Variants in DNAH6 observed in about 807,000 individuals in gnomAD.
The protein encoded by DNAH6 is dynein axonemal heavy chain 6.
Under a neutral mutation model 491.4 loss-of-function variants are expected in DNAH6, and 340 were observed. The ratio of observed to expected loss-of-function variants is 0.69; its 90% CI spans 0.63 to 0.76. The LOEUF (loss-of-function observed/expected upper bound fraction) is 0.76, where lower values mean the gene tolerates loss of function less well. Among genes scored for constraint, DNAH6 ranks in the 30% least tolerant of loss-of-function variants. The probability of loss-of-function intolerance (pLI) is 0.00; values close to 1 mark genes in which losing one functional copy is unlikely to be tolerated. For synonymous variants in DNAH6, 1,603 were observed against 1,686.1 expected (o/e 0.95, Z 1.21); for missense variants, 4,443 against 4,972.2 (o/e 0.89, Z 3.20).
At chr2:84,585,886 C>A (rs1683485795) in intron 15 of DNAH6, among the ~76,000 whole-genome samples, 1 of 152,146 alleles carries the variant, frequency 6.6e-6, no homozygotes, top group South Asian at 2.1e-4. Flanking sequence ...CTGGAAAAGG[C>A]ATCACAAGTT....
At chr2:84,619,192 C>A (rs564212331) in intron 23 of DNAH6, among the ~76,000 whole-genome samples, 1 of 152,174 alleles carries the variant, frequency 6.6e-6, no homozygotes, top group Non-Finnish European at 1.5e-5. Flanking sequence ...CAGGGAATAG[C>A]AAATGCCTTT....
At chr2:84,482,364 G>A in the DNAH6 span, among the ~76,000 whole-genome samples, 4 of 152,218 alleles carry the variant, frequency 2.6e-5, no homozygotes, top group Non-Finnish European at 4.4e-5. Flanking sequence ...TGGTATTGGA[G>A]CTGACGTTTA....
At position 84,713,219 on chromosome 2, in the gene DNAH6, A is replaced by G. The variant is rs1345851519; in HGVS notation, c.9503A>G (p.Tyr3168Cys). Reference sequence around the variant, plus strand: ...GATTATGACAAAAACTTTAGGTTCTATATGACAACCAAAATGCCAAATCCC... The same window carrying G: ...GATTATGACAAAAACTTTAGGTTCTGTATGACAACCAAAATGCCAAATCCC... ...DIDYDKNFRF[Y>C]MTTKMPNPHY... The change falls in exon 57 of 77, where the codon TAT becomes TGT. Residue 3168 changes from tyrosine (Y) to cysteine (C), a missense_variant. Around this residue, in one of 3 missense-constraint regions of DNAH6, gnomAD observed 1,463 missense variants for 1,656.6 expected, o/e 0.88. Coordinates refer to ENST00000389394, the MANE Select transcript of DNAH6 (RefSeq NM_001370.2). 40 of 1,552,108 alleles carry G rather than the reference A, an allele frequency of 2.6e-5. No homozygotes were observed. Among genetic ancestry groups the G allele is most frequent in the Non-Finnish European group, 1.5e-5 (17 of 1,147,096 alleles).
chr2:84,489,073 G>A, the DNAH6 span, among the ~76,000 whole-genome samples: 2 of 152,080 alleles, frequency 1.3e-5, no homozygotes, highest in Non-Finnish European at 2.9e-5. Context: ...GGAAAAGTGG[G>A]GTATGTTATT....
At chr2:84,548,263 T>C (rs1335119613) in intron 7 of DNAH6, 25 bp from the exon 8 acceptor site, 3 of 1,595,312 alleles carry the variant, frequency 1.9e-6, no homozygotes, top group Non-Finnish European at 2.6e-6. Flanking sequence ...AGTACACTTG[T>C]TGTTGTTCCT....
chr2:84,468,341 A>T, the DNAH6 span, among the ~76,000 whole-genome samples: 1 of 152,208 alleles, frequency 6.6e-6, no homozygotes, highest in Admixed American at 6.5e-5. Context: ...TAATTGGATT[A>T]CTAGCTTTAG....
intron 16 of DNAH6, among the ~76,000 whole-genome samples, chr2:84,589,608 A>G (rs1683896019): frequency 6.7e-6 from 1 of 149,388 alleles, no homozygotes; most frequent in African/African-American, 2.5e-5. Flanking sequence ...GGTACTTGGG[A>G]GGCTAAACGG....
In DNAH6 at chr2:84,584,255, G is replaced by T. The variant is rs1240281062; in HGVS notation, c.2481+5G>T. ...GAAGTAAAACTGCAAGCACAGGTAA[G>T]CTAAATCATTATTTTGTAAAAATAA... On this transcript the variant is annotated splice_donor_5th_base_variant and intron_variant, in intron 15 of 76. Transcript: ENST00000389394. The T allele has an allele frequency of 6.2e-7, 1 of 1,610,810 alleles. No homozygotes were observed. The highest frequency in any genetic ancestry group is 1.1e-5 in the South Asian group (1 of 90,634).
intron 32 of DNAH6, 145 bp from the exon 33 acceptor site, chr2:84,641,799 AGAT>A: frequency 1.6e-6 from 1 of 620,212 alleles, no homozygotes; most frequent in South Asian, 2.0e-5. Flanking sequence ...GCTCTGATGG[AGAT>A]GAACGCTGAA....
chr2:84,721,152 T>C (rs1256969060), intron 59 of DNAH6, among the ~76,000 whole-genome samples: 1 of 152,220 alleles, frequency 6.6e-6, no homozygotes, highest in Non-Finnish European at 1.5e-5. Flanking sequence ...TCCACTTTCC[T>C]TCTCTTTAGC....
At chr2:84,556,448 A>G (rs916028914) in intron 10 of DNAH6, among the ~76,000 whole-genome samples, 7 of 152,372 alleles carry the variant, frequency 4.6e-5, no homozygotes, top group South Asian at 2.1e-4. Flanking sequence ...ACAATGACTT[A>G]GCAAGGATTA....
chr2:84,577,324 A>T lies in DNAH6; in HGVS notation c.1992A>T (p.Arg664Ser). The T allele has an allele frequency of 6.2e-7, 1 of 1,612,398 alleles. No homozygotes were observed. Among genetic ancestry groups the T allele is most frequent in the East Asian group, 2.2e-5 (1 of 44,816 alleles). The change falls in exon 13 of 77, where the codon AGA becomes AGT. Residue 664 changes from arginine to serine, a missense_variant. Physicochemically the swap from Arg to Ser is moderately radical, Grantham distance 110. Transcript: ENST00000389394. ...AGCACAAGGACGCAGTAGCGCTCAGACCCACCAGAAATGTAGGATTGCTGC... is the reference window on the plus strand; with the variant it reads ...AGCACAAGGACGCAGTAGCGCTCAGTCCCACCAGAAATGTAGGATTGCTGC... ...HKQHKDAVAL[R>S]PTRNVGLLLI...
At chr2:84,694,555 T>G in intron 46 of DNAH6, 75 bp downstream of exon 46, 1 of 1,104,028 alleles carries the variant, frequency 9.1e-7, no homozygotes, top group Non-Finnish European at 1.3e-6. Context: ...CTTTGAACAG[T>G]TTGTAGGATG....
At chr2:84,747,558 G>A (rs1236515517) in intron 63 of DNAH6, among the ~76,000 whole-genome samples, 1 of 152,190 alleles carries the variant, frequency 6.6e-6, no homozygotes, top group Non-Finnish European at 1.5e-5. Flanking sequence ...CATGTTGACT[G>A]CCCTGCTGGG....
intron 29 of DNAH6, 114 bp from the exon 30 acceptor site, chr2:84,634,390 A>G (rs1209621126): frequency 5.4e-6 from 6 of 1,111,786 alleles, no homozygotes; most frequent in Non-Finnish European, 7.1e-6. Flanking sequence ...ACATAAAACT[A>G]TTGCTTATTT....
chr2:84,536,809 G>A (rs1372698954), intron 4 of DNAH6, among the ~76,000 whole-genome samples: 2 of 151,970 alleles, frequency 1.3e-5, no homozygotes, highest in Non-Finnish European at 2.9e-5. Context: ...TAGACATGAT[G>A]TAGCTACTTC....
chr2:84,558,193 C>T lies in DNAH6; in HGVS notation c.1803+258C>T, dbSNP rs552799086. On this transcript the variant is annotated intron_variant, in intron 11 of 76. Transcript: ENST00000389394. ...CTGTAATCCCAGCACTTTGGGAGAC[C>T]GAGGCGGGCAGATCACGAGGTCAGG... is the stretch of plus-strand genomic sequence containing the variant. Among the ~76,000 whole-genome samples, 32 of 151,942 alleles carry T rather than the reference C, an allele frequency of 2.1e-4. 1 individual carries two copies. The highest frequency in any genetic ancestry group is 7.5e-4 in the African/African-American group (31 of 41,454).
In DNAH6 at chr2:84,762,878, C is replaced by G. The variant is rs1367234684; in HGVS notation, c.10636C>G (p.Leu3546Val). ...ATGCAACACTCCCCTGGTATTCATC[C>G]TAAGCACAGGCTCAGATCCCATGGG... ...MSCNTPLVFILSTGSDPMGAF... is the reference protein window; with the variant it reads ...MSCNTPLVFIVSTGSDPMGAF... Residue 3546 changes from leucine (L) to valine (V), a missense_variant, in exon 64 of 77, where the codon CTA (leucine) becomes GTA (valine). Leu to Val is a conservative substitution (Grantham distance 32, BLOSUM62 1). Coordinates refer to ENST00000389394, the MANE Select transcript of DNAH6 (RefSeq NM_001370.2). The G allele has an allele frequency of 6.4e-7, 1 of 1,551,566 alleles. No individual in the cohort carries two copies. The highest frequency in any genetic ancestry group is 8.7e-7 in the Non-Finnish European group (1 of 1,146,830).
chr2:84,758,316 A>G (rs1674240181), intron 63 of DNAH6, among the ~76,000 whole-genome samples: 1 of 152,224 alleles, frequency 6.6e-6, no homozygotes, highest in Non-Finnish European at 1.5e-5. Flanking sequence ...ACTTTTCAGC[A>G]AAGTAAAAAG....
Sources: gnomAD v4.1 joint callset for allele counts (sites outside exome capture counted in the v4.1 genomes callset) on GRCh38, gnomAD v4.1.1 for gene constraint, gnomAD v4.1.1 regional missense constraint, MANE v1.5 for transcripts, NCBI Gene and HGNC (gene_info 2026-07-23, HGNC 2026-07-21) for gene names.